Variants in AP1G1 observed in about 807,000 individuals in gnomAD.
AP1G1 encodes adaptor related protein complex 1 subunit gamma 1, also known as AP-1 complex subunit gamma-1.
In AP1G1, 7 loss-of-function variants were observed where a neutral mutation model predicts 108.3. The ratio of observed to expected loss-of-function variants is 0.06; its 90% CI spans 0.04 to 0.12. AP1G1 has a LOEUF of 0.12. Among genes scored for constraint, AP1G1 ranks in the 10% least tolerant of loss-of-function variants. AP1G1 has a pLI of 1.00. For missense variants in AP1G1, 756 were observed against 1,010.7 expected (o/e 0.75, Z 3.42); for synonymous variants, 379 against 353.5 (o/e 1.07, Z -0.81).
intron 21 of AP1G1, among the ~76,000 whole-genome samples, chr16:71,735,193 A>C (rs913311560): frequency 6.6e-6 from 1 of 152,190 alleles, no homozygotes; most frequent in Non-Finnish European, 1.5e-5. Context: ...CAGAGACTTG[A>C]ACTTTTGTTT....
chr16:71,750,110 T>C (rs1184494108), intron 14 of AP1G1, 100 bp downstream of exon 14: 9 of 1,496,970 alleles, frequency 6.0e-6, no homozygotes, highest in Non-Finnish European at 8.3e-6. Context: ...AATAAAGACA[T>C]ACCAAAGGGG....
intron 1 of AP1G1, among the ~76,000 whole-genome samples, chr16:71,793,753 C>T (rs765989299): frequency 2.0e-5 from 3 of 152,060 alleles, no homozygotes; most frequent in Non-Finnish European, 2.9e-5. Context: ...GGTGCGATCT[C>T]GGCTCACTGC....
Position 71,740,144 on chromosome 16 carries a change from C to T in AP1G1, c.2000-803G>A, listed in dbSNP as rs1479496538. Among the ~76,000 whole-genome samples the T allele has an allele frequency of 3.9e-5, 6 of 152,288 alleles. No homozygotes were observed. The East Asian group carries it at 1.2e-3, about 29-fold the overall frequency. ...ACAACCAATCTAGAGAGTAATTTGG[C>T]AACAGTAGAGTTGAACATCAGTATA... On this transcript the variant is annotated intron_variant, in intron 19 of 22. Coordinates refer to ENST00000299980, the MANE Select transcript of AP1G1 (RefSeq NM_001128.6).
rs2030292967 is a variant in AP1G1 at position 71,748,332 on chromosome 16, G to C, written c.1544C>G (p.Ser515Cys). 1 of 1,613,792 alleles carries C rather than the reference G, an allele frequency of 6.2e-7. No individual in the cohort carries two copies. Among genetic ancestry groups the C allele is most frequent in the Non-Finnish European group, 8.5e-7 (1 of 1,179,786 alleles). Reference protein sequence around the residue: ...VLDILESVLISNMSTSVTRGY... With the variant: ...VLDILESVLICNMSTSVTRGY... ...TCGTGTCACAGAGGTGGACATATTAGAGATTAGGACACTTTCTAAAATATC... is the reference window on the plus strand; with the variant it reads ...TCGTGTCACAGAGGTGGACATATTACAGATTAGGACACTTTCTAAAATATC... The change falls in exon 16 of 23, where the codon TCT (serine) becomes TGT (cysteine). Residue 515 changes from serine (S) to cysteine (C), a missense_variant. Physicochemically the swap from Ser to Cys is moderately radical, Grantham distance 112 (BLOSUM62 -1). This residue lies in a region of AP1G1 where 357 missense variants were observed against 366.5 expected (regional missense o/e 0.97). Coordinates refer to ENST00000299980, the MANE Select transcript of AP1G1 (RefSeq NM_001128.6).
chr16:71,744,495 A>C (rs1319359383), intron 19 of AP1G1, among the ~76,000 whole-genome samples: 2 of 152,098 alleles, frequency 1.3e-5, no homozygotes, highest in African/African-American at 2.4e-5. Flanking sequence ...GAAGGAACCA[A>C]GAAGAAGTCA....
At chr16:71,802,685 G>A (rs1159129776) in intron 1 of AP1G1, among the ~76,000 whole-genome samples, 2 of 151,718 alleles carry the variant, frequency 1.3e-5, no homozygotes, top group Admixed American at 6.6e-5. Context: ...AGCCGAGATC[G>A]CACCACTGCA....
At chr16:71,755,023 T>A (rs1023374185) in intron 12 of AP1G1, among the ~76,000 whole-genome samples, 3 of 151,700 alleles carry the variant, frequency 2.0e-5, no homozygotes, top group Non-Finnish European at 4.4e-5. Context: ...AAATTCAGAG[T>A]GGAAAGAAGA....
At chr16:71,794,892 A>C (rs373798016) in intron 1 of AP1G1, among the ~76,000 whole-genome samples, 6 of 122,802 alleles carry the variant, frequency 4.9e-5, no homozygotes, top group African/African-American at 2.0e-4. Flanking sequence ...TTTCCCACTA[A>C]ATACAAGCTC....
rs2045471774 is a variant in AP1G1, at chr16:71,731,196, A to G, written c.*1862T>C. The stretch of plus-strand genomic sequence containing the variant: ...GCACTAGTCCACACTTACATTACTG[A>G]AAACTATGCAGGAGATATTATCCTG... On this transcript the variant is annotated 3_prime_UTR_variant, in exon 23 of 23. Coordinates refer to ENST00000299980, the MANE Select transcript of AP1G1 (RefSeq NM_001128.6). The G allele has an allele frequency of 6.6e-6, 1 of 152,452 alleles. No individual in the cohort carries two copies. Among genetic ancestry groups the G allele is most frequent in the African/African-American group, 2.4e-5 (1 of 41,448 alleles). The allele number at this position is 152,452 out of a possible 1,614,324, so 9.4% of individuals were successfully genotyped here. A position where few individuals can be genotyped will look rare whatever the true frequency, so the allele number is the denominator to read the frequency against.
intron 11 of AP1G1, among the ~76,000 whole-genome samples, chr16:71,758,181 T>G (rs1363774511): frequency 6.6e-6 from 1 of 152,214 alleles, no homozygotes; most frequent in African/African-American, 2.4e-5. Context: ...TTGTTCTAGA[T>G]TTGAACATAC....
intron 15 of AP1G1, among the ~76,000 whole-genome samples, chr16:71,748,753 A>C (rs2030319921): frequency 6.6e-6 from 1 of 152,224 alleles, no homozygotes; most frequent in Non-Finnish European, 1.5e-5. Context: ...TGTGCAAATA[A>C]GAACATGGAT....
At chr16:71,808,323 G>A (rs750660026) in intron 1 of AP1G1, 8 of 760,104 alleles carry the variant, frequency 1.1e-5, no homozygotes, top group Non-Finnish European at 1.4e-5. Flanking sequence ...CGATTAACTG[G>A]GCATTTGGAT....
In AP1G1 at chr16:71,769,608, C is replaced by A; in HGVS notation, c.642+15G>T. Reference sequence around the variant, plus strand: ...TTCAATCAAGAAAGGCTTAGGCATACAGAATGGCACCTACCTTTCTGAAAT... The same window carrying A: ...TTCAATCAAGAAAGGCTTAGGCATAAAGAATGGCACCTACCTTTCTGAAAT... On this transcript the variant is annotated intron_variant, in intron 6 of 22. Coordinates refer to ENST00000299980, the MANE Select transcript of AP1G1 (RefSeq NM_001128.6). The A allele has an allele frequency of 6.2e-7, 1 of 1,607,334 alleles. No homozygotes were observed. Among genetic ancestry groups the A allele is most frequent in the Non-Finnish European group, 8.5e-7 (1 of 1,174,208 alleles).
At chr16:71,794,866 C>CTTTTTTTTTTTTTTTTTTTTTT (rs2032528877) in intron 1 of AP1G1, among the ~76,000 whole-genome samples, 55 of 46,626 alleles carry the variant, frequency 1.2e-3, no homozygotes, top group Non-Finnish European at 1.6e-3. Context: ...TTTTTTTTTA[C>CTTTTTTTTTTTTTTTTTTTTTT]TTTGAAATGC....
intron 6 of AP1G1, among the ~76,000 whole-genome samples, chr16:71,768,184 T>C (rs910051635): frequency 1.3e-5 from 1 of 74,474 alleles, no homozygotes; most frequent in African/African-American, 5.5e-5. Context: ...CAGTTTAAAA[T>C]ACTAGTTTAA....
chr16:71,754,207 G>A (rs921103060), intron 12 of AP1G1, among the ~76,000 whole-genome samples: 5 of 148,604 alleles, frequency 3.4e-5, no homozygotes, highest in Non-Finnish European at 7.4e-5. Context: ...AGAAAAGAAA[G>A]AGAAGAAACA....
intron 2 of AP1G1, chr16:71,777,652 C>A (rs1297441308): frequency 4.3e-6 from 2 of 460,098 alleles, no homozygotes; most frequent in Admixed American, 4.8e-5. Flanking sequence ...CCGGTTCATC[C>A]TCCTCTTCGG....
intron 1 of AP1G1, among the ~76,000 whole-genome samples, chr16:71,792,706 T>C (rs934538409): frequency 4.6e-5 from 7 of 151,998 alleles, no homozygotes; most frequent in African/African-American, 1.4e-4. Flanking sequence ...ATACAAAAAA[T>C]AGCCAGGCGT....
At chr16:71,758,498 CCTCCA>C (rs2030920398) in intron 11 of AP1G1, 5 of 549,348 alleles carry the variant, frequency 9.1e-6, no homozygotes, top group South Asian at 7.0e-5. Context: ...AAGCACAGTA[CCTCCA>C]CTAGGTAAAC....
Sources: allele counts gnomAD v4.1 joint callset (sites outside exome capture counted in the v4.1 genomes callset), GRCh38; gene constraint gnomAD v4.1.1; regional missense constraint gnomAD v4.1.1; transcripts MANE v1.5; gene names NCBI Gene and HGNC (gene_info 2026-07-23, HGNC 2026-07-21).